The following COL23A1 variants were observed in gnomAD, a reference collection of about 807,000 sequenced individuals.
The protein encoded by COL23A1 is collagen type XXIII alpha 1 chain.
COL23A1 carries 97 observed loss-of-function variants against 99.3 expected under a neutral mutation model. The observed-to-expected ratio is 0.98, with a 90% CI of 0.83 to 1.16. The LOEUF (loss-of-function observed/expected upper bound fraction) is 1.16. COL23A1 is among the 50% of genes most tolerant of loss of function. COL23A1 has a pLI of 0.00. For synonymous variants in COL23A1, 320 were observed against 308.2 expected (o/e 1.04, Z -0.40); for missense variants, 762 against 757.4 (o/e 1.01, Z -0.07).
intron 25 of COL23A1, 37 bp downstream of exon 25, chr5:178,245,905 G>A: frequency 1.2e-6 from 2 of 1,612,568 alleles, no homozygotes; most frequent in Non-Finnish European, 1.7e-6. Context: ...ACACACAAGA[G>A]GCACCCAATT....
intron 12 of COL23A1, 144 bp downstream of exon 12, chr5:178,259,576 TG>T: frequency 1.4e-6 from 1 of 705,394 alleles, no homozygotes; most frequent in Non-Finnish European, 2.3e-6. Context: ...GGCTCAGGGC[TG>T]GTGGAGAGAA....
At chr5:178,293,207 T>G (rs921437949) in intron 3 of COL23A1, among the ~76,000 whole-genome samples, 1 of 150,860 alleles carries the variant, frequency 6.6e-6, no homozygotes, top group Non-Finnish European at 1.5e-5. Context: ...AGGATGAGAG[T>G]GGTCCAGCAG....
chr5:178,450,443 T>G (rs553166618), intron 2 of COL23A1, among the ~76,000 whole-genome samples: 15 of 151,722 alleles, frequency 9.9e-5, no homozygotes, highest in African/African-American at 3.6e-4. Flanking sequence ...GACCCAGGAG[T>G]AGGAGCTGGA....
At chr5:178,239,517 C>T (rs180783877) in intron 27 of COL23A1, among the ~76,000 whole-genome samples, 7 of 151,420 alleles carry the variant, frequency 4.6e-5, no homozygotes, top group South Asian at 2.1e-4. Flanking sequence ...TGCCGAGAGC[C>T]GTGTGGCTTC....
chr5:178,345,226 T>C (rs1760893514), intron 2 of COL23A1: 2 of 855,630 alleles, frequency 2.3e-6, no homozygotes, highest in African/African-American at 1.7e-5. Context: ...ATGTTCTTGA[T>C]TTCTATAATG....
chr5:178,568,275 G>A (rs73344493), intron 1 of COL23A1, among the ~76,000 whole-genome samples: 15 of 152,068 alleles, frequency 9.9e-5, no homozygotes, highest in Non-Finnish European at 1.9e-4. Flanking sequence ...CAAATGCAAC[G>A]TGTGTCCTAG....
chr5:178,375,979 T>A (rs1581257817), intron 2 of COL23A1, among the ~76,000 whole-genome samples: 2 of 152,330 alleles, frequency 1.3e-5, no homozygotes, highest in African/African-American at 4.8e-5. Flanking sequence ...AGTGTTGGGA[T>A]TATAGGCGTG....
chr5:178,331,349 C>T (rs1760008687), intron 2 of COL23A1, among the ~76,000 whole-genome samples: 2 of 152,244 alleles, frequency 1.3e-5, no homozygotes, highest in African/African-American at 2.4e-5. Context: ...GCCAAACACA[C>T]CTGGGTGGGT....
chr5:178,516,946 T>C (rs1356107350), intron 2 of COL23A1, among the ~76,000 whole-genome samples: 1 of 152,188 alleles, frequency 6.6e-6, no homozygotes, highest in Non-Finnish European at 1.5e-5. Context: ...AAAGCTGCAA[T>C]ATCTGTGGCT....
chr5:178,557,377 C>A (rs188096561), intron 2 of COL23A1, among the ~76,000 whole-genome samples: 16 of 152,198 alleles, frequency 1.1e-4, no homozygotes, highest in Non-Finnish European at 1.8e-4. Flanking sequence ...TTGGACATAT[C>A]TTTTGAGGGC....
intron 2 of COL23A1, among the ~76,000 whole-genome samples, chr5:178,351,442 C>A (rs1761321347): frequency 6.6e-6 from 1 of 152,192 alleles, no homozygotes; most frequent in Non-Finnish European, 1.5e-5. Context: ...GCAGCCTCTG[C>A]CCAGGGAACT....
In COL23A1 at chr5:178,384,299, G is replaced by A. The variant is rs770267269; in HGVS notation, c.362-77380C>T. Among the ~76,000 whole-genome samples, 3 of 152,250 alleles carry A rather than the reference G, an allele frequency of 2.0e-5. No individual in the cohort carries two copies. Among genetic ancestry groups the A allele is most frequent in the Non-Finnish European group, 4.4e-5 (3 of 68,048 alleles). ...TTCTCAAAACCTGGATCCGGCGACG[G>A]AGGCCCGGCCTGGCCACTGCCTGGC... is the stretch of plus-strand genomic sequence containing the variant. On this transcript the variant is annotated intron_variant, in intron 2 of 28. Transcript: ENST00000390654. This position sits in a 1 kb window ranked among gnomAD's most constrained non-coding sequence, Gnocchi z 5.5.
chr5:178,590,302 G>A lies in COL23A1; in HGVS notation c.-105C>T, dbSNP rs978244675. ...CAGCCCGAGGCACGAGGTCCGCCGG[G>A]CGCGGGGGTTAGCCTCCGGGTAGCA... On this transcript the variant is annotated 5_prime_UTR_variant, in exon 1 of 29. Transcript: ENST00000390654. The surrounding 1 kb of genome is among the most constrained non-coding windows in gnomAD (Gnocchi z 5.7). 1.9e-6 allele frequency: 2 copies of A among 1,049,084 alleles called. No homozygotes were observed. The highest frequency in any genetic ancestry group is 8.7e-5 in the East Asian group (2 of 22,868). 65.0% of individuals were successfully genotyped at this position (1,049,084 alleles called of 1,614,324 possible). A position where few individuals can be genotyped will look rare whatever the true frequency, so the allele number is the denominator to read the frequency against.
intron 2 of COL23A1, among the ~76,000 whole-genome samples, chr5:178,326,732 G>A (rs2973690): frequency 0.6 from 90,862 of 152,016 alleles, 28,297 homozygotes; most frequent in Non-Finnish European, 0.69. Flanking sequence ...TTTATTTATT[G>A]TTTTTGAGAC....
intron 2 of COL23A1, among the ~76,000 whole-genome samples, chr5:178,489,599 G>A (rs1331398457): frequency 6.6e-6 from 1 of 152,190 alleles, no homozygotes; most frequent in Non-Finnish European, 1.5e-5. Flanking sequence ...GGGGCTGGGG[G>A]AGAGGCAGGA....
chr5:178,498,918 T>A (rs1304113510), intron 2 of COL23A1, among the ~76,000 whole-genome samples: 1 of 129,758 alleles, frequency 7.7e-6, no homozygotes, highest in Non-Finnish European at 1.7e-5. Flanking sequence ...TGAAACCCCA[T>A]CTCTTCTAAA....
rs531245324 is a variant in COL23A1 at position 178,472,518 on chromosome 5, T to C, written c.361+88164A>G. ...GCTATTTCTGATGCACAGTCAGATA[T>C]GGCTTATACATTATGAAAGGTAAGG... On this transcript the variant is annotated intron_variant, in intron 2 of 28. Transcript: ENST00000390654. Among the ~76,000 whole-genome samples, 53 of 152,324 alleles carry C rather than the reference T, an allele frequency of 3.5e-4. No homozygotes were observed. The Middle Eastern group carries it at 0.034, about 98-fold the overall frequency.
Position 178,263,223 on chromosome 5 carries a change from T to C in COL23A1, c.624A>G (p.Gly208=), listed in dbSNP as rs749438629. 7.7e-5 allele frequency: 124 copies of C among 1,613,370 alleles called. No homozygotes were observed. The highest frequency in any genetic ancestry group is 9.9e-5 in the Non-Finnish European group (117 of 1,179,634). ...CCTCTCTTACCGCTGGGCCTTGTGC[T>C]CCCCTGGGGCCATCTTTCCCAGTGT... is the stretch of plus-strand genomic sequence containing the variant. The part of the protein sequence containing the change: ...PGDTGKDGPR[G]AQGPAGPKGE... The change falls in exon 9 of 29, where the codon GGA becomes GGG. Residue 208 remains glycine (G), a synonymous_variant. Transcript: ENST00000390654.
chr5:178,585,453 GT>G (rs1763899499), intron 1 of COL23A1, among the ~76,000 whole-genome samples: 2 of 44,988 alleles, frequency 4.4e-5, no homozygotes, highest in African/African-American at 8.2e-5. Context: ...AACACTCCAC[GT>G]CCCTGGTTGA....
Sources: gnomAD v4.1 joint callset for allele counts (sites outside exome capture counted in the v4.1 genomes callset) on GRCh38, gnomAD v4.1.1 for gene constraint, Gnocchi (gnomAD v3.1) non-coding constraint, MANE v1.5 for transcripts, NCBI Gene and HGNC (gene_info 2026-07-23, HGNC 2026-07-21) for gene names.